The following GALNTL6 variants were observed in gnomAD, a reference collection of about 807,000 sequenced individuals.
GALNTL6 encodes polypeptide N-acetylgalactosaminyltransferase-like 6.
Under a neutral mutation model 73.7 loss-of-function variants are expected in GALNTL6, and 46 were observed. The ratio of observed to expected loss-of-function variants is 0.62; its 90% confidence interval spans 0.49 to 0.80. The LOEUF is 0.80. Among genes scored for constraint, GALNTL6 ranks in the 30% least tolerant of loss-of-function variants. The pLI, the probability that GALNTL6 is intolerant of heterozygous loss-of-function variation, is 0.00. For synonymous variants in GALNTL6, 259 were observed against 263.7 expected (o/e 0.98, Z 0.17); for missense variants, 604 against 755.0 (o/e 0.80, Z 2.34).
chr4:172,714,093 G>A (rs981435538), intron 5 of GALNTL6, among the ~76,000 whole-genome samples: 2 of 152,134 alleles, frequency 1.3e-5, no homozygotes, highest in Admixed American at 6.5e-5. Flanking sequence ...TGTGGTGTAC[G>A]ATGACAGACT....
chr4:173,029,446 A>G (rs1429067477), intron 12 of GALNTL6, among the ~76,000 whole-genome samples: 1 of 152,156 alleles, frequency 6.6e-6, no homozygotes, highest in Non-Finnish European at 1.5e-5. Flanking sequence ...CTGGACACTC[A>G]CCCCTAAAGT....
intron 3 of GALNTL6, among the ~76,000 whole-genome samples, chr4:172,256,934 C>A (rs10002142): frequency 0.13 from 19,063 of 151,164 alleles, 1,302 homozygotes; most frequent in East Asian, 0.29. Flanking sequence ...TTCAGAAAAC[C>A]TTCCAAAGCA....
intron 5 of GALNTL6, among the ~76,000 whole-genome samples, chr4:172,640,961 C>T (rs1020477485): frequency 3.3e-5 from 5 of 152,072 alleles, no homozygotes; most frequent in African/African-American, 1.2e-4. Flanking sequence ...CCACAGCCAT[C>T]TCTGTCTTGG....
At chr4:172,614,795 T>G (rs1579245166) in intron 5 of GALNTL6, among the ~76,000 whole-genome samples, 1 of 152,294 alleles carries the variant, frequency 6.6e-6, no homozygotes, top group Non-Finnish European at 1.5e-5. Flanking sequence ...AGGTGGGTGT[T>G]GTGAATCAAT....
chr4:172,387,733 T>G (rs903813279), intron 5 of GALNTL6, among the ~76,000 whole-genome samples: 11 of 152,170 alleles, frequency 7.2e-5, no homozygotes, highest in African/African-American at 2.7e-4. Flanking sequence ...AAGCAGTCCA[T>G]GATCTTGTCC....
chr4:171,888,768 A>G, intron 2 of GALNTL6, among the ~76,000 whole-genome samples: 1 of 152,120 alleles, frequency 6.6e-6, no homozygotes, highest in East Asian at 1.9e-4. Context: ...TAAGCAAATA[A>G]TGCTTCTCCT....
chr4:172,804,112 A>C (rs1290220187), intron 5 of GALNTL6, among the ~76,000 whole-genome samples: 1 of 152,224 alleles, frequency 6.6e-6, no homozygotes, highest in Non-Finnish European at 1.5e-5. Flanking sequence ...TGCAGTCAAA[A>C]TATATACATG....
intron 5 of GALNTL6, among the ~76,000 whole-genome samples, chr4:172,725,339 G>A (rs934346325): frequency 1.3e-5 from 2 of 152,064 alleles, no homozygotes; most frequent in African/African-American, 4.8e-5. Context: ...ACCTTCTACT[G>A]TACTCAGGCT....
chr4:173,028,110 C>T (rs1246066029), intron 12 of GALNTL6, among the ~76,000 whole-genome samples: 1 of 152,062 alleles, frequency 6.6e-6, no homozygotes, highest in Admixed American at 6.5e-5. Context: ...ACATTTAATG[C>T]AAAACCAAAC....
intron 12 of GALNTL6, among the ~76,000 whole-genome samples, chr4:173,021,853 C>G (rs766733425): frequency 2.0e-5 from 3 of 151,604 alleles, no homozygotes; most frequent in Non-Finnish European, 4.4e-5. Flanking sequence ...AAAAGTCAGG[C>G]GTAGTGATGG....
chr4:172,243,928 G>T (rs900966189), intron 3 of GALNTL6, among the ~76,000 whole-genome samples: 8 of 152,104 alleles, frequency 5.3e-5, no homozygotes, highest in African/African-American at 1.9e-4. Context: ...CATTGCTATG[G>T]CTACAATGGG....
chr4:172,753,045 G>A (rs115780276), intron 5 of GALNTL6, among the ~76,000 whole-genome samples: 3,627 of 152,136 alleles, frequency 0.024, 134 homozygotes, highest in African/African-American at 0.081. Flanking sequence ...TGGTTTGGCC[G>A]TGTTCCCACC....
intron 5 of GALNTL6, among the ~76,000 whole-genome samples, chr4:172,615,038 C>T (rs924789781): frequency 1.3e-5 from 2 of 152,052 alleles, no homozygotes; most frequent in African/African-American, 2.4e-5. Context: ...CTAAGTTGAC[C>T]TCAAAGGAGA....
intron 5 of GALNTL6, among the ~76,000 whole-genome samples, chr4:172,358,063 ATCTG>A (rs1309569657): frequency 2.0e-4 from 31 of 152,264 alleles, no homozygotes; most frequent in African/African-American, 5.8e-4. Flanking sequence ...TTGTCCATTT[ATCTG>A]TCTATTTATT....
intron 5 of GALNTL6, among the ~76,000 whole-genome samples, chr4:172,653,132 G>A (rs1186980567): frequency 6.6e-6 from 1 of 151,160 alleles, no homozygotes; most frequent in Non-Finnish European, 1.5e-5. Flanking sequence ...AACCTTGTAT[G>A]TTGTTGACAA....
intron 5 of GALNTL6, among the ~76,000 whole-genome samples, chr4:172,512,492 T>G (rs1360038792): frequency 1.3e-5 from 2 of 152,154 alleles, no homozygotes; most frequent in African/African-American, 4.8e-5. Context: ...TAGTTGTTGC[T>G]TGAATACTCT....
chr4:172,182,610 TC>T (rs1277729007), intron 2 of GALNTL6, among the ~76,000 whole-genome samples: 1 of 146,592 alleles, frequency 6.8e-6, no homozygotes, highest in African/African-American at 2.5e-5. Context: ...GATATTCCAC[TC>T]CCCTGAGGGA....
At chr4:172,913,208 ACATCCACAC>A (rs1747308811) in intron 8 of GALNTL6, among the ~76,000 whole-genome samples, 1 of 152,198 alleles carries the variant, frequency 6.6e-6, no homozygotes, top group South Asian at 2.1e-4. Flanking sequence ...AACAAAAAGG[ACATCCACAC>A]CAAAATCCCA....
chr4:172,272,838 C>T (rs1738701364), intron 3 of GALNTL6, among the ~76,000 whole-genome samples: 1 of 151,854 alleles, frequency 6.6e-6, no homozygotes, highest in African/African-American at 2.4e-5. Flanking sequence ...TTTTTATGTT[C>T]CTCCTGAGGT....
Sources: allele counts gnomAD v4.1 joint callset (sites outside exome capture counted in the v4.1 genomes callset), GRCh38; gene constraint gnomAD v4.1.1; transcripts MANE v1.5; gene names NCBI Gene and HGNC (gene_info 2026-07-23, HGNC 2026-07-21).